Variants in USP12 observed in about 807,000 individuals in gnomAD.
The protein encoded by USP12 is ubiquitin specific peptidase 12, also known as ubiquitin carboxyl-terminal hydrolase 12.
In USP12, 19 loss-of-function variants were observed where a neutral mutation model predicts 45.5. The observed-to-expected ratio is 0.42, with a 90% confidence interval of 0.29 to 0.61. The LOEUF (loss-of-function observed/expected upper bound fraction) is 0.61. USP12 is among the 20% of genes least tolerant of loss of function. The probability of loss-of-function intolerance (pLI) is 0.22; values close to 1 mark genes in which losing one functional copy is unlikely to be tolerated. For missense variants in USP12, 242 were observed against 447.7 expected (o/e 0.54, Z 4.15); for synonymous variants, 149 against 148.8 (o/e 1.00, Z -0.01).
At chr13:27,142,768 C>T (rs1593205437) in intron 1 of USP12, among the ~76,000 whole-genome samples, 3 of 152,086 alleles carry the variant, frequency 2.0e-5, no homozygotes, top group Admixed American at 2.0e-4. Flanking sequence ...AACTGTAACA[C>T]TGAATAAATA....
intron 1 of USP12, among the ~76,000 whole-genome samples, chr13:27,152,603 GA>G (rs1877621137): frequency 6.6e-6 from 1 of 152,276 alleles, no homozygotes; most frequent in East Asian, 1.9e-4. Context: ...TTAAATGAGT[GA>G]ATTGCATGGT....
intron 4 of USP12, among the ~76,000 whole-genome samples, chr13:27,094,339 A>T (rs1362044811): frequency 6.6e-6 from 1 of 152,070 alleles, no homozygotes; most frequent in Non-Finnish European, 1.5e-5. Context: ...CTCTGTCTCA[A>T]AAAAGTTTAA....
At chr13:27,125,314 A>C (rs147277032) in intron 1 of USP12, among the ~76,000 whole-genome samples, 2 of 152,346 alleles carry the variant, frequency 1.3e-5, no homozygotes, top group East Asian at 3.9e-4. Flanking sequence ...GCTTTTCATG[A>C]TTACATATAA....
At chr13:27,171,434 C>T (rs1878603298) in intron 1 of USP12, among the ~76,000 whole-genome samples, 158 bp downstream of exon 1, 1 of 143,450 alleles carries the variant, frequency 7.0e-6, no homozygotes, top group Non-Finnish European at 1.5e-5. Context: ...CGCCTGCGCG[C>T]CGTCCAACCG....
Position 27,066,462 on chromosome 13 carries a change from T to TA in USP12, c.*2820dup, listed in dbSNP as rs1872998215. On this transcript the variant is annotated 3_prime_UTR_variant, in exon 9 of 9. Coordinates refer to ENST00000282344, the MANE Select transcript of USP12 (RefSeq NM_182488.4). ...TTTTAAAGAAAGTATCAAGAGTAGT[T>TA]ATGTTATGAAAATGAGGTCTTTCTA... The TA allele has an allele frequency of 6.6e-6, 1 of 152,156 alleles. No homozygotes were observed. Among genetic ancestry groups the TA allele is most frequent in the African/African-American group, 2.4e-5 (1 of 41,426 alleles). 9.4% of individuals were successfully genotyped at this position (152,156 alleles called of 1,614,324 possible).
At chr13:27,155,298 G>C (rs1392677450) in intron 1 of USP12, among the ~76,000 whole-genome samples, 1 of 151,710 alleles carries the variant, frequency 6.6e-6, no homozygotes, top group Non-Finnish European at 1.5e-5. Context: ...GGCCAAGATG[G>C]TCTTGATCTC....
chr13:27,069,466 C>T (rs936794096), intron 8 of USP12, 82 bp from the exon 9 acceptor site: 6 of 995,074 alleles, frequency 6.0e-6, no homozygotes, highest in Non-Finnish European at 7.9e-6. Context: ...CTGACAATAC[C>T]AAGTATTTGG....
At chr13:27,139,447 C>A (rs930184809) in intron 1 of USP12, among the ~76,000 whole-genome samples, 2 of 152,176 alleles carry the variant, frequency 1.3e-5, no homozygotes, top group African/African-American at 4.8e-5. Flanking sequence ...GAAACCCCAT[C>A]TCTACTAAAA....
At chr13:27,085,554 A>G (rs912964560) in intron 6 of USP12, among the ~76,000 whole-genome samples, 3 of 152,096 alleles carry the variant, frequency 2.0e-5, no homozygotes, top group Non-Finnish European at 2.9e-5. Flanking sequence ...TATTATTCCA[A>G]GACGGAGAAC....
chr13:27,118,583 T>C (rs891860871), intron 1 of USP12, among the ~76,000 whole-genome samples: 1 of 152,164 alleles, frequency 6.6e-6, no homozygotes, highest in Non-Finnish European at 1.5e-5. Context: ...CTGACATATG[T>C]TGAAAATAAC....
chr13:27,156,261 A>C (rs1053755569), intron 1 of USP12, among the ~76,000 whole-genome samples: 2 of 152,136 alleles, frequency 1.3e-5, no homozygotes, highest in African/African-American at 4.8e-5. Flanking sequence ...CAGGCCTCTT[A>C]ATCTACCAGA....
chr13:27,171,234 G>A (rs1238392617), intron 1 of USP12, among the ~76,000 whole-genome samples: 2 of 149,936 alleles, frequency 1.3e-5, no homozygotes, highest in African/African-American at 4.9e-5. Flanking sequence ...GGCACAGGCC[G>A]GGCGCGCCTC....
At chr13:27,086,187 A>ATATATATATATATAT (rs1289444305) in intron 6 of USP12, among the ~76,000 whole-genome samples, 4 of 72,872 alleles carry the variant, frequency 5.5e-5, no homozygotes, top group African/African-American at 1.4e-4. Context: ...AAAAAAAAAA[A>ATATATATATATATAT]AAAAAAAAAA....
chr13:27,133,561 G>A (rs182877375), intron 1 of USP12, among the ~76,000 whole-genome samples: 1 of 151,652 alleles, frequency 6.6e-6, no homozygotes, highest in African/African-American at 2.4e-5. Flanking sequence ...CTGGGAGGGC[G>A]GAGCTTGCAG....
chr13:27,139,119 T>A (rs780184468), intron 1 of USP12, among the ~76,000 whole-genome samples: 1 of 152,212 alleles, frequency 6.6e-6, no homozygotes, highest in Non-Finnish European at 1.5e-5. Context: ...GATTTATGAT[T>A]TCTTTGGGAA....
intron 1 of USP12, among the ~76,000 whole-genome samples, chr13:27,146,353 G>C (rs963000912): frequency 6.6e-6 from 1 of 152,124 alleles, no homozygotes; most frequent in Non-Finnish European, 1.5e-5. Context: ...AGTGAGCCAA[G>C]ATCATGCCAC....
At position 27,077,078 on chromosome 13, in the gene USP12, A is replaced by G. The variant is rs894985726; in HGVS notation, c.735-1690T>C. 5 of 152,240 alleles carry G rather than the reference A, an allele frequency of 3.3e-5. 1 individual carries two copies. Among genetic ancestry groups the G allele is most frequent in the South Asian group, 4.1e-4 (2 of 4,836 alleles). 9.4% of individuals were successfully genotyped at this position (152,240 alleles called of 1,614,324 possible). ...CTATTCAGCAACAGGAAATGTGGAAATAAATTAGAATTCAAACATAACCGA... is the reference window on the plus strand; with the variant it reads ...CTATTCAGCAACAGGAAATGTGGAAGTAAATTAGAATTCAAACATAACCGA... On this transcript the variant is annotated intron_variant, in intron 6 of 8. Transcript: ENST00000282344.
chr13:27,101,386 A>C (rs934654475), intron 3 of USP12, among the ~76,000 whole-genome samples: 2 of 152,232 alleles, frequency 1.3e-5, no homozygotes, highest in Non-Finnish European at 2.9e-5. Flanking sequence ...CTTCTTTGCT[A>C]AGTAGCATGA....
rs1403137444 is a variant in USP12 at position 27,089,937 on chromosome 13, CTGCACAGAGTTTCTGTGT to C, written c.662_679del (p.Asn221_Cys226del). The stretch of plus-strand genomic sequence containing the variant: ...CTCTTCACAGTAATACTTGTATTCA[CTGCACAGAGTTTCTGTGT>C]TGCTGAAACCCCTGTGTGAAATTCA... On this transcript the variant is annotated inframe_deletion, in exon 6 of 9. Coordinates refer to ENST00000282344, the MANE Select transcript of USP12 (RefSeq NM_182488.4). The C allele has an allele frequency of 6.2e-7, 1 of 1,610,984 alleles. No homozygotes were observed. Among genetic ancestry groups the C allele is most frequent in the African/African-American group, 1.3e-5 (1 of 74,858 alleles).
Sources: allele counts gnomAD v4.1 joint callset (sites outside exome capture counted in the v4.1 genomes callset), GRCh38; gene constraint gnomAD v4.1.1; transcripts MANE v1.5; gene names NCBI Gene and HGNC (gene_info 2026-07-23, HGNC 2026-07-21).